ADGRF5: variants seen among roughly 807,000 people sequenced by gnomAD.
The protein encoded by ADGRF5 is G-protein coupled receptor 116.
Under a neutral mutation model 132.3 loss-of-function variants are expected in ADGRF5, and 75 were observed. The ratio of observed to expected loss-of-function variants is 0.57; its 90% CI spans 0.47 to 0.69. ADGRF5 has a LOEUF of 0.69. ADGRF5 is among the 30% of genes least tolerant of loss of function. The pLI is 0.00. For synonymous variants in ADGRF5, 629 were observed against 597.6 expected (o/e 1.05, Z -0.77); for missense variants, 1,516 against 1,630.6 (o/e 0.93, Z 1.21).
chr6:46,876,103 T>C (rs1321065192), intron 10 of ADGRF5, among the ~76,000 whole-genome samples: 1 of 152,042 alleles, frequency 6.6e-6, no homozygotes, highest in Non-Finnish European at 1.5e-5. Flanking sequence ...CTTGGAAAAA[T>C]GGTTGTTAGT....
chr6:46,886,238 G>A (rs868403533), intron 4 of ADGRF5, among the ~76,000 whole-genome samples: 36 of 152,298 alleles, frequency 2.4e-4, no homozygotes, highest in African/African-American at 8.2e-4. Flanking sequence ...GGGACAACAC[G>A]TTCGAGTTAA....
intron 3 of ADGRF5, among the ~76,000 whole-genome samples, chr6:46,898,268 C>A (rs1409523380): frequency 6.6e-6 from 1 of 152,162 alleles, no homozygotes; most frequent in African/African-American, 2.4e-5. Context: ...GCAGCCTGAG[C>A]CTTAGAAGAA....
chr6:46,883,047 A>C (rs145133791), intron 6 of ADGRF5, among the ~76,000 whole-genome samples: 13 of 152,194 alleles, frequency 8.5e-5, no homozygotes, highest in Admixed American at 8.5e-4. Context: ...AATGTGAAGC[A>C]CTCAAGACAG....
rs778621164 is a variant in ADGRF5 at position 46,881,545 on chromosome 6, C to T, written c.724G>A (p.Glu242Lys). Residue 242 changes from glutamate to lysine, a missense_variant, in exon 8 of 21, where the codon GAG (glutamate) becomes AAG (lysine). By Grantham distance (56) the Glu-to-Lys change is moderately conservative. Transcript: ENST00000283296. Reference sequence around the variant, plus strand: ...TGTTCATTGGCTTTATGTATTAACTCAAGTGATGGTGGTGTAGTCTTGACT... The same window carrying T: ...TGTTCATTGGCTTTATGTATTAACTTAAGTGATGGTGGTGTAGTCTTGACT... ...YEVKTTPPSL[E>K]LIHKANEQVV... The T allele has an allele frequency of 8.1e-6, 13 of 1,613,598 alleles. No individual in the cohort carries two copies. The highest frequency in any genetic ancestry group is 1.1e-5 in the Non-Finnish European group (13 of 1,179,532).
intron 1 of ADGRF5, among the ~76,000 whole-genome samples, chr6:46,929,371 T>A (rs1777428677): frequency 6.6e-6 from 1 of 151,932 alleles, no homozygotes; most frequent in African/African-American, 2.4e-5. Flanking sequence ...AGGGATAGCA[T>A]TAGGAGATAT....
rs1158933006 is a variant in ADGRF5, at chr6:46,859,277, C to G, written c.2626G>C (p.Asp876His). The G allele has an allele frequency of 1.9e-6, 3 of 1,614,000 alleles. No individual in the cohort carries two copies. The highest frequency in any genetic ancestry group is 2.5e-6 in the Non-Finnish European group (3 of 1,179,944). The change falls in exon 17 of 21, where the codon GAC (aspartate) becomes CAC (histidine). Residue 876 changes from aspartate (D) to histidine (H), a missense_variant. Asp to His is a moderately conservative substitution (Grantham distance 81, BLOSUM62 -1). Around this residue, in one of 2 missense-constraint regions of ADGRF5, gnomAD observed 571 missense variants for 701.2 expected, o/e 0.81. Coordinates refer to ENST00000283296, the MANE Select transcript of ADGRF5 (RefSeq NM_001098518.2). ...TCAATGACCACATTGCCCCAGAGGT[C>G]AAAGTATGGGAAAACAAACCTCTGT... is the stretch of plus-strand genomic sequence containing the variant. ...YQQRFVFPYF[D>H]LWGNVVIDKS...
At chr6:46,892,406 G>T (rs976161829) in intron 3 of ADGRF5, among the ~76,000 whole-genome samples, 3 of 152,020 alleles carry the variant, frequency 2.0e-5, no homozygotes, top group Non-Finnish European at 4.4e-5. Context: ...ATAAATCAAA[G>T]AATTATGTAA....
At chr6:46,898,635 T>C (rs1048162163) in intron 3 of ADGRF5, among the ~76,000 whole-genome samples, 2 of 152,174 alleles carry the variant, frequency 1.3e-5, no homozygotes, top group Non-Finnish European at 2.9e-5. Context: ...TAATAGAATG[T>C]GGTCAAATTC....
intron 4 of ADGRF5, among the ~76,000 whole-genome samples, chr6:46,886,210 G>A (rs1053159884): frequency 6.6e-6 from 1 of 152,220 alleles, no homozygotes; most frequent in Non-Finnish European, 1.5e-5. Context: ...TTATCAAATA[G>A]TTGTTTCTGA....
At position 46,854,015 on chromosome 6, in the gene ADGRF5, T is replaced by C. The variant is rs1768756991; in HGVS notation, c.4018A>G (p.Ser1340Gly). The C allele has an allele frequency of 6.2e-7, 1 of 1,605,874 alleles. No individual in the cohort carries two copies. Among genetic ancestry groups the C allele is most frequent in the Non-Finnish European group, 8.5e-7 (1 of 1,176,992 alleles). Residue 1340 changes from serine to glycine, a missense_variant, in exon 21 of 21, where the codon AGT becomes GGT. This residue lies in a region of ADGRF5 where 571 missense variants were observed against 701.2 expected (regional missense o/e 0.81). Coordinates refer to ENST00000283296, the MANE Select transcript of ADGRF5 (RefSeq NM_001098518.2). ...TCTTAGTTGAGCAACGAAGAAGCACTGGATGAGTTTTCCAGGGATGAGCTG... is the reference window on the plus strand; with the variant it reads ...TCTTAGTTGAGCAACGAAGAAGCACCGGATGAGTTTTCCAGGGATGAGCTG... ...ATSSSLENSS[S>G]ASSLLN
At chr6:46,936,477 T>C (rs1279821697) in intron 1 of ADGRF5, among the ~76,000 whole-genome samples, 1 of 152,202 alleles carries the variant, frequency 6.6e-6, no homozygotes, top group Non-Finnish European at 1.5e-5. Context: ...ACTATAATAG[T>C]GGCAGTAGGT....
At chr6:46,901,836 T>C (rs1774802756) in intron 2 of ADGRF5, among the ~76,000 whole-genome samples, 1 of 152,100 alleles carries the variant, frequency 6.6e-6, no homozygotes, top group South Asian at 2.1e-4. Context: ...ACAGTTCCCT[T>C]GGCTGGTCTC....
intron 3 of ADGRF5, among the ~76,000 whole-genome samples, chr6:46,889,525 CTA>C (rs1210584954): frequency 7.1e-6 from 1 of 140,240 alleles, no homozygotes; most frequent in Non-Finnish European, 1.5e-5. Flanking sequence ...ATAGTCTACT[CTA>C]TGTTTATATA....
At chr6:46,933,691 C>T (rs764194) in intron 1 of ADGRF5, among the ~76,000 whole-genome samples, 4 of 152,240 alleles carry the variant, frequency 2.6e-5, no homozygotes, top group African/African-American at 7.2e-5. Context: ...TACAGATTGT[C>T]GTCGGGCCTC....
At chr6:46,857,330 G>A (rs1769170956) in intron 17 of ADGRF5, among the ~76,000 whole-genome samples, 1 of 152,160 alleles carries the variant, frequency 6.6e-6, no homozygotes, top group South Asian at 2.1e-4. Context: ...CAGAAATCAA[G>A]GTTCATATGT....
chr6:46,869,130 G>A, intron 11 of ADGRF5, 38 bp from the exon 12 acceptor site: 1 of 1,590,218 alleles, frequency 6.3e-7, no homozygotes, highest in Non-Finnish European at 8.6e-7. Flanking sequence ...AAAGAAAACT[G>A]ACAAGTTCAA....
At chr6:46,889,204 T>A (rs3030415) in intron 3 of ADGRF5, among the ~76,000 whole-genome samples, 15 of 125,940 alleles carry the variant, frequency 1.2e-4, no homozygotes, top group African/African-American at 2.1e-4. Flanking sequence ...TATATATATA[T>A]AAAATATATA....
chr6:46,910,026 AAAATAAAAT>A (rs1282721690), intron 1 of ADGRF5, among the ~76,000 whole-genome samples: 1 of 151,756 alleles, frequency 6.6e-6, no homozygotes, highest in Non-Finnish European at 1.5e-5. Context: ...AAAATAAAAT[AAAATAAAAT>A]AAAAAATAGA....
chr6:46,953,065 A>G (rs1057280338), intron 1 of ADGRF5, among the ~76,000 whole-genome samples: 4 of 152,222 alleles, frequency 2.6e-5, no homozygotes, highest in Non-Finnish European at 2.9e-5. Flanking sequence ...TACTTAGTTT[A>G]GTTGCAAAGT....
Sources: allele counts gnomAD v4.1 joint callset (sites outside exome capture counted in the v4.1 genomes callset), GRCh38; gene constraint gnomAD v4.1.1; regional missense constraint gnomAD v4.1.1; transcripts MANE v1.5; gene names NCBI Gene and HGNC (gene_info 2026-07-23, HGNC 2026-07-21).